The following TRIM33 variants were observed in gnomAD, a reference collection of about 807,000 sequenced individuals.
TRIM33 encodes tripartite motif containing 33.
In TRIM33, 20 loss-of-function variants were observed where a neutral mutation model predicts 125.4. The observed-to-expected ratio is 0.16, with a 90% CI of 0.11 to 0.23. TRIM33 has a LOEUF of 0.23. TRIM33 is among the 10% of genes least tolerant of loss of function. The pLI, the probability that TRIM33 is intolerant of heterozygous loss-of-function variation, is 1.00. For synonymous variants in TRIM33, 564 were observed against 513.9 expected (o/e 1.10, Z -1.32); for missense variants, 920 against 1,411.4 (o/e 0.65, Z 5.58).
intron 4 of TRIM33, among the ~76,000 whole-genome samples, chr1:114,446,779 G>A (rs538480245): frequency 2.0e-5 from 3 of 152,138 alleles, no homozygotes; most frequent in Non-Finnish European, 4.4e-5. Context: ...AAGGAGCCTG[G>A]CATGGTGGCT....
intron 4 of TRIM33, among the ~76,000 whole-genome samples, chr1:114,461,185 T>C (rs1295683978): frequency 1.4e-5 from 2 of 147,292 alleles, no homozygotes; most frequent in African/African-American, 2.5e-5. Flanking sequence ...CATTCCAGCC[T>C]GGGTGACAGA....
chr1:114,481,343 T>C (rs576921691), intron 1 of TRIM33, among the ~76,000 whole-genome samples: 4 of 152,198 alleles, frequency 2.6e-5, no homozygotes, highest in East Asian at 3.9e-4. Flanking sequence ...CCTGTAATCC[T>C]AGCACTTTGG....
chr1:114,401,872 C>T (rs1651915615), intron 16 of TRIM33, among the ~76,000 whole-genome samples: 1 of 152,158 alleles, frequency 6.6e-6, no homozygotes. Context: ...TGATTCCAGT[C>T]AGGTTCAAAA....
intron 1 of TRIM33, among the ~76,000 whole-genome samples, chr1:114,488,161 A>G (rs1035360659): frequency 2.6e-5 from 4 of 152,168 alleles, no homozygotes; most frequent in African/African-American, 9.7e-5. Context: ...TGCGATATCT[A>G]AGACGCTATT....
intron 1 of TRIM33, among the ~76,000 whole-genome samples, chr1:114,507,682 C>T (rs1385427583): frequency 1.3e-5 from 2 of 152,160 alleles, no homozygotes; most frequent in Non-Finnish European, 2.9e-5. Flanking sequence ...CTTCCTTTAG[C>T]GTAAAATAGC....
intron 1 of TRIM33, among the ~76,000 whole-genome samples, chr1:114,480,443 C>G (rs1168332199): frequency 6.7e-6 from 1 of 148,536 alleles, no homozygotes; most frequent in Non-Finnish European, 1.5e-5. Context: ...TGCCAAATCC[C>G]CCTCTGCGAG....
rs116234499 is a variant in TRIM33 at position 114,399,628 on chromosome 1, G to T, written c.2968-19C>A. On this transcript the variant is annotated intron_variant, in intron 17 of 19. Transcript: ENST00000358465. ...TTGGTATCTAAAATAAGCACATAAT[G>T]GCAAATAAGAATTCTCCAAAAATGC... The T allele has an allele frequency of 1.3e-6, 2 of 1,543,118 alleles. No individual in the cohort carries two copies. The highest frequency in any genetic ancestry group is 2.0e-5 in the Admixed American group (1 of 51,058).
chr1:114,418,753 G>C (rs909659202), intron 11 of TRIM33, among the ~76,000 whole-genome samples: 13 of 151,844 alleles, frequency 8.6e-5, no homozygotes, highest in African/African-American at 2.9e-4. Context: ...ACTGACAATG[G>C]CTCCACCTGG....
intron 14 of TRIM33, among the ~76,000 whole-genome samples, chr1:114,406,396 A>T (rs1169178818): frequency 6.6e-6 from 1 of 152,232 alleles, no homozygotes; most frequent in Non-Finnish European, 1.5e-5. Context: ...AGAAAGAGAA[A>T]ACAAAAATCA....
At chr1:114,481,917 C>T (rs137882188) in intron 1 of TRIM33, among the ~76,000 whole-genome samples, 80 of 152,044 alleles carry the variant, frequency 5.3e-4, no homozygotes, top group African/African-American at 1.9e-3. Flanking sequence ...CGCCACCATG[C>T]CCAGCTAATA....
chr1:114,474,076 T>C (rs1294137122), intron 1 of TRIM33, among the ~76,000 whole-genome samples: 2 of 151,056 alleles, frequency 1.3e-5, no homozygotes, highest in Admixed American at 6.6e-5. Context: ...TTTGCTTAAA[T>C]TTTTTGTAGA....
In TRIM33 at chr1:114,431,619, C is replaced by T. The variant is rs151101361; in HGVS notation, c.1041-707G>A. ...CTATAAATATATAAAATGTCAACGA[C>T]CAACCATAAGACATAGCTTCAATTT... On this transcript the variant is annotated intron_variant, in intron 5 of 19. Coordinates refer to ENST00000358465, the MANE Select transcript of TRIM33 (RefSeq NM_015906.4). Among the ~76,000 whole-genome samples the T allele has an allele frequency of 3.2e-3, 489 of 152,258 alleles. 3 individuals carry two copies. The highest frequency in any genetic ancestry group is 5.3e-3 in the Non-Finnish European group (361 of 68,002).
chr1:114,427,161 A>T lies in TRIM33; in HGVS notation c.1420+16T>A. On this transcript the variant is annotated intron_variant, in intron 8 of 19. Coordinates refer to ENST00000358465, the MANE Select transcript of TRIM33 (RefSeq NM_015906.4). ...CAGTGTTCCAAGTTATATTCATAAA[A>T]CTCATTATTTCTCACCTAAATTGAC... is the stretch of plus-strand genomic sequence containing the variant. The T allele has an allele frequency of 7.9e-7, 1 of 1,269,728 alleles. No individual in the cohort carries two copies. Among genetic ancestry groups the T allele is most frequent in the Non-Finnish European group, 1.1e-6 (1 of 885,500 alleles). The allele number at this position is 1,269,728 out of a possible 1,614,324, so 78.7% of individuals were successfully genotyped here.
rs192572386 is a variant in TRIM33 at position 114,474,840 on chromosome 1, C to T, written c.527-10452G>A. ...CCAGGAGGTGGAGGTTGTGGTGAGC[C>T]GAGATCCCACCACTGTACTCCAGCC... On this transcript the variant is annotated intron_variant, in intron 1 of 19. Transcript: ENST00000358465. 1.6e-3 allele frequency among the ~76,000 whole-genome samples: 245 copies of T among 150,116 alleles called. 1 individual carries two copies. The East Asian group carries it at 0.025, about 16-fold the overall frequency.
chr1:114,457,886 ATGG>A (rs1367278218), intron 4 of TRIM33, among the ~76,000 whole-genome samples: 6 of 152,338 alleles, frequency 3.9e-5, no homozygotes, highest in Admixed American at 3.9e-4. Context: ...GTCAGAAGTA[ATGG>A]TGATCTTGTG....
chr1:114,461,084 A>C (rs1355800900), intron 4 of TRIM33, among the ~76,000 whole-genome samples: 7 of 151,702 alleles, frequency 4.6e-5, no homozygotes, highest in Non-Finnish European at 1.0e-4. Flanking sequence ...AGTGGCTCAC[A>C]TCTGTAATCC....
In TRIM33 at chr1:114,503,648, C is replaced by T. The variant is rs571618967; in HGVS notation, c.526+6903G>A. On this transcript the variant is annotated intron_variant, in intron 1 of 19. Transcript: ENST00000358465. ...CACGTTCATTAATATCACCACCAATCTCTTCAGGAAAGTCTTTAAATACTG... is the reference window on the plus strand; with the variant it reads ...CACGTTCATTAATATCACCACCAATTTCTTCAGGAAAGTCTTTAAATACTG... Among the ~76,000 whole-genome samples, 6 of 152,308 alleles carry T rather than the reference C, an allele frequency of 3.9e-5. 1 individual carries two copies. Among genetic ancestry groups the T allele is most frequent in the Admixed American group, 6.5e-5 (1 of 15,302 alleles).
intron 5 of TRIM33, among the ~76,000 whole-genome samples, chr1:114,431,812 T>C (rs1037994555): frequency 1.3e-5 from 2 of 152,212 alleles, no homozygotes; most frequent in African/African-American, 4.8e-5. Flanking sequence ...TTGAGTTTTG[T>C]CCTTATCTTA....
intron 1 of TRIM33, among the ~76,000 whole-genome samples, chr1:114,470,147 C>T (rs1400006742): frequency 6.6e-6 from 1 of 152,002 alleles, no homozygotes; most frequent in East Asian, 1.9e-4. Context: ...ATTCTTAGGG[C>T]TTCTTATATT....
Sources: gnomAD v4.1 joint callset for allele counts (sites outside exome capture counted in the v4.1 genomes callset) on GRCh38, gnomAD v4.1.1 for gene constraint, MANE v1.5 for transcripts, NCBI Gene and HGNC (gene_info 2026-07-23, HGNC 2026-07-21) for gene names.